Variants in TRERF1 observed in about 807,000 individuals in gnomAD.
TRERF1 encodes transcriptional-regulating factor 1.
A neutral mutation model predicts 122.9 loss-of-function variants in TRERF1; 27 were observed. That is an observed-to-expected ratio of 0.22 (90% CI 0.16 to 0.30). The LOEUF (loss-of-function observed/expected upper bound fraction) is 0.30. Among genes scored for constraint, TRERF1 ranks in the 10% least tolerant of loss-of-function variants. TRERF1 has a pLI of 1.00. For missense variants in TRERF1, 1,248 were observed against 1,560.3 expected, an observed-to-expected ratio of 0.80 and a Z score of 3.37; for synonymous variants, 636 against 641.7, an observed-to-expected ratio of 0.99 and a Z score of 0.13.
At chr6:42,429,025 C>T (rs1784082264) in intron 2 of TRERF1, among the ~76,000 whole-genome samples, 1 of 152,224 alleles carries the variant, frequency 6.6e-6, no homozygotes, top group South Asian at 2.1e-4. Flanking sequence ...GTCCCAGGCC[C>T]ACATGCCCTT....
chr6:42,293,769 A>C (rs899332705), intron 4 of TRERF1, among the ~76,000 whole-genome samples: 2 of 118,652 alleles, frequency 1.7e-5, no homozygotes, highest in Non-Finnish European at 3.2e-5. Context: ...CTGTGTATTC[A>C]GGAAATGCAA....
At chr6:42,366,071 C>T (rs370399133) in intron 2 of TRERF1, among the ~76,000 whole-genome samples, 3 of 152,210 alleles carry the variant, frequency 2.0e-5, no homozygotes, top group African/African-American at 7.2e-5. Context: ...ACACCCAGCA[C>T]ATTCCTCCCC....
intron 2 of TRERF1, among the ~76,000 whole-genome samples, chr6:42,408,038 ATC>A (rs1420495505): frequency 6.6e-6 from 1 of 151,696 alleles, no homozygotes. Flanking sequence ...TCAGTTTATG[ATC>A]CAGGCTTCAT....
intron 2 of TRERF1, among the ~76,000 whole-genome samples, chr6:42,430,572 A>G (rs1784346293): frequency 6.6e-6 from 1 of 151,654 alleles, no homozygotes; most frequent in Non-Finnish European, 1.5e-5. Flanking sequence ...CAACATGGTG[A>G]AACCCCTTTT....
In TRERF1 at chr6:42,336,992, T is replaced by C. The variant is rs372154229; in HGVS notation, c.-371+26005A>G. On this transcript the variant is annotated intron_variant, in intron 3 of 17. Transcript: ENST00000372922. ...AGAGAGAGCAGCTCATGATAGGAGC[T>C]GCGGGGGGCAGGGGGTGCGTGCAGA... Among the ~76,000 whole-genome samples the C allele has an allele frequency of 3.9e-4, 60 of 152,244 alleles. 1 individual carries two copies. The East Asian group carries it at 0.011, about 27-fold the overall frequency.
At chr6:42,295,255 G>A (rs1031873384) in intron 4 of TRERF1, among the ~76,000 whole-genome samples, 5 of 152,212 alleles carry the variant, frequency 3.3e-5, no homozygotes, top group African/African-American at 1.2e-4. Context: ...CCAAGAGGCT[G>A]AACTTTTAAA....
intron 3 of TRERF1, among the ~76,000 whole-genome samples, chr6:42,319,752 G>T (rs1383768725): frequency 6.7e-6 from 1 of 149,934 alleles, no homozygotes; most frequent in Admixed American, 6.6e-5. Flanking sequence ...GAGCCTGGGA[G>T]GTCAAGGCCA....
intron 2 of TRERF1, among the ~76,000 whole-genome samples, chr6:42,419,707 A>C (rs1356602239): frequency 6.6e-6 from 1 of 152,182 alleles, no homozygotes; most frequent in Non-Finnish European, 1.5e-5. Context: ...ACAGTTCTAC[A>C]GCACATAACT....
chr6:42,384,027 C>T lies in TRERF1; in HGVS notation c.-453-20948G>A, dbSNP rs56902823. Among the ~76,000 whole-genome samples, 48 of 151,748 alleles carry T rather than the reference C, an allele frequency of 3.2e-4. No individual in the cohort carries two copies. In the East Asian group the frequency reaches 8.4e-3, roughly 27 times the overall value. On this transcript the variant is annotated intron_variant, in intron 2 of 17. Coordinates refer to ENST00000372922, the Ensembl canonical transcript of TRERF1. Reference sequence around the variant, plus strand: ...AGGATGTCTCATTCATTGATGGTTTCGGTGTAAATTGCTACAACCTCCTTG... The same window carrying T: ...AGGATGTCTCATTCATTGATGGTTTTGGTGTAAATTGCTACAACCTCCTTG...
intron 12 of TRERF1, among the ~76,000 whole-genome samples, chr6:42,255,911 A>C (rs1776659386): frequency 6.6e-6 from 1 of 152,020 alleles, no homozygotes; most frequent in Non-Finnish European, 1.5e-5. Context: ...TGGGAGGATC[A>C]CCTGAGGTCA....
intron 15 of TRERF1, 59 bp from the exon 16 acceptor site, chr6:42,236,470 G>A: frequency 6.5e-7 from 1 of 1,529,268 alleles, no homozygotes; most frequent in South Asian, 1.2e-5. Context: ...TCTTAGTGAT[G>A]AACAGAACTC....
chr6:42,382,513 G>A (rs1263644482), intron 2 of TRERF1, among the ~76,000 whole-genome samples: 1 of 151,482 alleles, frequency 6.6e-6, no homozygotes, highest in African/African-American at 2.4e-5. Context: ...TTAGGACACA[G>A]GGTACTGACT....
intron 2 of TRERF1, among the ~76,000 whole-genome samples, chr6:42,443,495 A>G (rs1786900583): frequency 6.6e-6 from 1 of 152,202 alleles, no homozygotes. Context: ...CAAAACAAAC[A>G]CTGAATGCAA....
chr6:42,363,341 C>G (rs1373484214), intron 2 of TRERF1, among the ~76,000 whole-genome samples: 1 of 152,192 alleles, frequency 6.6e-6, no homozygotes, highest in East Asian at 1.9e-4. Context: ...TTTCCTCTTT[C>G]CCTCACACCC....
At chr6:42,372,482 C>T (rs1773939150) in intron 2 of TRERF1, among the ~76,000 whole-genome samples, 1 of 152,146 alleles carries the variant, frequency 6.6e-6, no homozygotes, top group Non-Finnish European at 1.5e-5. Flanking sequence ...ACTTAGAGTC[C>T]AGTCTCTGGG....
intron 2 of TRERF1, among the ~76,000 whole-genome samples, chr6:42,445,794 C>T (rs527626227): frequency 1.1e-3 from 172 of 152,316 alleles, no homozygotes; most frequent in African/African-American, 3.9e-3. Context: ...TCGCCTCCTC[C>T]TCCACCTGCC....
At chr6:42,241,012 C>T (rs931465012) in intron 15 of TRERF1, among the ~76,000 whole-genome samples, 4 of 152,110 alleles carry the variant, frequency 2.6e-5, no homozygotes, top group Non-Finnish European at 5.9e-5. Flanking sequence ...CCTGCCTCAG[C>T]CTCCTGAATA....
intron 14 of TRERF1, among the ~76,000 whole-genome samples, chr6:42,245,977 G>A (rs1164255034): frequency 6.6e-6 from 1 of 152,202 alleles, no homozygotes; most frequent in East Asian, 1.9e-4. Flanking sequence ...GCGTGGTGGT[G>A]CATGCCTGTA....
At chr6:42,301,689 G>A (rs1319735444) in intron 3 of TRERF1, among the ~76,000 whole-genome samples, 2 of 152,158 alleles carry the variant, frequency 1.3e-5, no homozygotes, top group African/African-American at 4.8e-5. Flanking sequence ...TGTCAAATCG[G>A]CATGAAAGTT....
Sources: allele counts gnomAD v4.1 joint callset (sites outside exome capture counted in the v4.1 genomes callset), GRCh38; gene constraint gnomAD v4.1.1; transcripts MANE v1.5; gene names NCBI Gene and HGNC (gene_info 2026-07-23, HGNC 2026-07-21).